MAGI2: variants seen among roughly 807,000 people sequenced by gnomAD.
MAGI2 encodes the protein membrane associated guanylate kinase, WW and PDZ domain containing 2, also known as membrane-associated guanylate kinase, WW and PDZ domain-containing protein 2.
MAGI2 carries 35 observed loss-of-function variants against 133.3 expected under a neutral mutation model. The observed-to-expected ratio is 0.26, with a 90% CI of 0.20 to 0.35. The LOEUF is 0.35. MAGI2 is among the 10% of genes least tolerant of loss of function. The pLI is 1.00. For synonymous variants in MAGI2, 729 were observed against 710.6 expected, an observed-to-expected ratio of 1.03 and a Z score of -0.41; for missense variants, 1,636 against 1,863.4, an observed-to-expected ratio of 0.88 and a Z score of 2.25.
chr7:78,332,205 G>A (rs73134536), intron 9 of MAGI2, among the ~76,000 whole-genome samples: 7,592 of 152,250 alleles, frequency 0.05, 300 homozygotes, highest in African/African-American at 0.1. Flanking sequence ...AAAAAGAAAA[G>A]ACAGAAATGA....
At chr7:79,378,127 T>C (rs1843506002) in intron 1 of MAGI2, among the ~76,000 whole-genome samples, 1 of 151,746 alleles carries the variant, frequency 6.6e-6, no homozygotes, top group Admixed American at 6.6e-5. Context: ...GTGATGTAAA[T>C]ATGGAAAACA....
At chr7:78,483,627 T>C (rs926029960) in intron 6 of MAGI2, among the ~76,000 whole-genome samples, 1 of 151,798 alleles carries the variant, frequency 6.6e-6, no homozygotes, top group Non-Finnish European at 1.5e-5. Flanking sequence ...GGATAAATTG[T>C]ATTATTTCCT....
intron 1 of MAGI2, among the ~76,000 whole-genome samples, chr7:79,210,313 T>C (rs114940577): frequency 0.013 from 1,928 of 152,180 alleles, 70 homozygotes; most frequent in African/African-American, 0.044. Context: ...ATAAAGCTTC[T>C]ATAAATGTTG....
intron 1 of MAGI2, among the ~76,000 whole-genome samples, chr7:79,408,607 A>G (rs947392386): frequency 6.6e-6 from 1 of 152,146 alleles, no homozygotes; most frequent in East Asian, 1.9e-4. Context: ...CAATATGTGC[A>G]TCAAAAGTAT....
At chr7:78,804,238 T>C (rs941951552) in intron 2 of MAGI2, among the ~76,000 whole-genome samples, 1 of 152,178 alleles carries the variant, frequency 6.6e-6, no homozygotes, top group Non-Finnish European at 1.5e-5. Context: ...TTCGGCTTTC[T>C]TGTTCCCTTT....
chr7:78,580,864 T>C (rs926806739), intron 3 of MAGI2, among the ~76,000 whole-genome samples: 1 of 152,172 alleles, frequency 6.6e-6, no homozygotes, highest in Non-Finnish European at 1.5e-5. Context: ...CCTGTCTGGG[T>C]CTACTGAGTA....
At chr7:78,373,853 G>A (rs186373074) in intron 6 of MAGI2, among the ~76,000 whole-genome samples, 8 of 152,174 alleles carry the variant, frequency 5.3e-5, no homozygotes, top group Admixed American at 2.6e-4. Flanking sequence ...TGCAATATTT[G>A]ATTTTCTCTT....
At chr7:78,348,699 T>A (rs1791177990) in intron 7 of MAGI2, among the ~76,000 whole-genome samples, 1 of 152,230 alleles carries the variant, frequency 6.6e-6, no homozygotes, top group South Asian at 2.1e-4. Context: ...TTTAAAAATA[T>A]ACAATTAAGT....
chr7:79,230,152 T>C (rs1359022318), intron 1 of MAGI2, among the ~76,000 whole-genome samples: 2 of 151,532 alleles, frequency 1.3e-5, no homozygotes, highest in Admixed American at 1.3e-4. Context: ...TAGCATTCCA[T>C]GGTGTATATG....
intron 2 of MAGI2, among the ~76,000 whole-genome samples, chr7:78,866,568 C>T (rs1477736816): frequency 6.6e-6 from 1 of 151,944 alleles, no homozygotes; most frequent in African/African-American, 2.4e-5. Flanking sequence ...ATAGTCAATC[C>T]CCTATGGTCC....
At chr7:78,534,280 T>C (rs552594634) in intron 3 of MAGI2, among the ~76,000 whole-genome samples, 70 of 152,322 alleles carry the variant, frequency 4.6e-4, no homozygotes, top group African/African-American at 1.6e-3. Flanking sequence ...GGAATTATGA[T>C]TGAATACCCA....
intron 1 of MAGI2, among the ~76,000 whole-genome samples, chr7:79,121,316 T>C (rs1023329159): frequency 2.0e-5 from 3 of 152,168 alleles, no homozygotes; most frequent in Non-Finnish European, 4.4e-5. Context: ...ATCCTTCTAA[T>C]AGACTTCTCC....
chr7:78,507,091 AC>A (rs1166454051), intron 4 of MAGI2, among the ~76,000 whole-genome samples: 1 of 152,218 alleles, frequency 6.6e-6, no homozygotes, highest in African/African-American at 2.4e-5. Context: ...TGTGTAAGAT[AC>A]TTGACAAGAC....
At chr7:79,407,657 C>A (rs188081059) in intron 1 of MAGI2, among the ~76,000 whole-genome samples, 81 of 152,180 alleles carry the variant, frequency 5.3e-4, no homozygotes, top group Admixed American at 1.2e-3. Context: ...AGGCCTTTCC[C>A]AATCAAAACT....
intron 1 of MAGI2, among the ~76,000 whole-genome samples, chr7:79,336,684 TGTAA>T (rs1325965554): frequency 6.6e-6 from 1 of 152,120 alleles, no homozygotes; most frequent in Non-Finnish European, 1.5e-5. Context: ...AGCTTCCGCC[TGTAA>T]GTGAGATTAT....
intron 1 of MAGI2, among the ~76,000 whole-genome samples, chr7:79,239,099 G>A (rs769825387): frequency 6.6e-6 from 1 of 152,042 alleles, no homozygotes; most frequent in Non-Finnish European, 1.5e-5. Context: ...TGCACACCAT[G>A]TTTTTTAAAA....
intron 1 of MAGI2, among the ~76,000 whole-genome samples, chr7:79,450,405 A>G: frequency 6.6e-6 from 1 of 152,204 alleles, no homozygotes; most frequent in South Asian, 2.1e-4. Flanking sequence ...AATTATTAGA[A>G]TAGCAACATG....
chr7:78,144,463 G>A (rs1823084880), intron 16 of MAGI2, among the ~76,000 whole-genome samples: 1 of 152,042 alleles, frequency 6.6e-6, no homozygotes, highest in East Asian at 1.9e-4. Context: ...CATTGTTTGT[G>A]GTTTTACTAT....
intron 2 of MAGI2, among the ~76,000 whole-genome samples, chr7:78,930,091 A>G (rs1243321514): frequency 6.6e-6 from 1 of 152,118 alleles, no homozygotes; most frequent in Admixed American, 6.6e-5. Context: ...TAATAAGTAA[A>G]GCTATGTGTT....
Sources: allele counts gnomAD v4.1 joint callset (sites outside exome capture counted in the v4.1 genomes callset), GRCh38; gene constraint gnomAD v4.1.1; transcripts MANE v1.5; gene names NCBI Gene and HGNC (gene_info 2026-07-23, HGNC 2026-07-21).